Variants in MCHR2 observed in about 807,000 individuals in gnomAD.
MCHR2 encodes melanin-concentrating hormone receptor 2.
MCHR2 carries 15 observed loss-of-function variants against 24.8 expected under a neutral mutation model. That is an observed-to-expected ratio of 0.60 (90% CI 0.40 to 0.93). The LOEUF is 0.93. Among genes scored for constraint, MCHR2 ranks in the 40% least tolerant of loss-of-function variants. MCHR2 has a pLI of 0.00. For synonymous variants in MCHR2, 151 were observed against 147.6 expected (o/e 1.02, Z -0.17); for missense variants, 386 against 408.7 (o/e 0.94, Z 0.48).
rs184725021 is a variant in MCHR2, at chr6:99,927,381, T to C, written c.708-6126A>G. Among the ~76,000 whole-genome samples the C allele has an allele frequency of 9.8e-5, 15 of 152,324 alleles. No individual in the cohort carries two copies. The East Asian group carries it at 2.9e-3, about 29-fold the overall frequency. ...TTTCCAATTCTGTGAAGAAGGTCATTGGTAGCTTGATGGGGATGGCATTGA... is the reference window on the plus strand; with the variant it reads ...TTTCCAATTCTGTGAAGAAGGTCATCGGTAGCTTGATGGGGATGGCATTGA... On this transcript the variant is annotated intron_variant, in intron 5 of 5. Coordinates refer to ENST00000281806, the MANE Select transcript of MCHR2 (RefSeq NM_001040179.2).
intron 1 of MCHR2, among the ~76,000 whole-genome samples, chr6:99,975,629 G>A (rs1775534388): frequency 2.0e-5 from 3 of 152,224 alleles, no homozygotes; most frequent in Admixed American, 1.3e-4. Flanking sequence ...CGGTGCCTCA[G>A]ATGGAAATGC....
In MCHR2 at chr6:99,920,408, C is replaced by T. The variant is rs1343370607; in HGVS notation, c.*532G>A. ...CAGGTTTGTTACATGTAATCTTACACATTGCATGTGTGCAATAAATGGTAA... is the reference window on the plus strand; with the variant it reads ...CAGGTTTGTTACATGTAATCTTACATATTGCATGTGTGCAATAAATGGTAA... On this transcript the variant is annotated 3_prime_UTR_variant, in exon 6 of 6. Coordinates refer to ENST00000281806, the MANE Select transcript of MCHR2 (RefSeq NM_001040179.2). 6.5e-6 allele frequency: 1 copy of T among 154,552 alleles called. No individual in the cohort carries two copies. The highest frequency in any genetic ancestry group is 1.4e-5 in the Non-Finnish European group (1 of 69,510). The allele number at this position is 154,552 out of a possible 1,614,324, so 9.6% of individuals were successfully genotyped here.
intron 1 of MCHR2, among the ~76,000 whole-genome samples, chr6:99,966,834 A>G (rs1429346790): frequency 6.6e-6 from 1 of 152,032 alleles, no homozygotes; most frequent in Non-Finnish European, 1.5e-5. Context: ...CTTCAGTATG[A>G]TTTCATTATA....
chr6:99,921,012 C>A lies in MCHR2; in HGVS notation c.951G>T (p.Leu317=), dbSNP rs1308371294. 9.9e-6 allele frequency: 16 copies of A among 1,614,042 alleles called. No individual in the cohort carries two copies. The highest frequency in any genetic ancestry group is 1.4e-5 in the Non-Finnish European group (16 of 1,180,024). Residue 317 remains leucine, a synonymous_variant, in exon 6 of 6, where the codon CTG becomes CTT. Coordinates refer to ENST00000281806, the MANE Select transcript of MCHR2 (RefSeq NM_001040179.2). ...ILLSGNFQKR[L]PQIQRRATEK... Reference sequence around the variant, plus strand: ...CAGTCGCTCTTCTTTGGATTTGAGGCAGACGTTTCTGGAAATTTCCACTCA... The same window carrying A: ...CAGTCGCTCTTCTTTGGATTTGAGGAAGACGTTTCTGGAAATTTCCACTCA...
At chr6:99,948,208 C>G (rs1414087251) in intron 2 of MCHR2, among the ~76,000 whole-genome samples, 2 of 152,110 alleles carry the variant, frequency 1.3e-5, no homozygotes, top group Non-Finnish European at 2.9e-5. Context: ...ATATTCCTTT[C>G]AGTAGGTGGA....
chr6:99,983,633 T>A (rs1023449237), intron 1 of MCHR2, among the ~76,000 whole-genome samples: 1 of 152,206 alleles, frequency 6.6e-6, no homozygotes, highest in African/African-American at 2.4e-5. Flanking sequence ...TTTGTCCTTA[T>A]TTTAGTTGGT....
In MCHR2 at chr6:99,920,649, T is replaced by C; in HGVS notation, c.*291A>G. On this transcript the variant is annotated 3_prime_UTR_variant, in exon 6 of 6. Transcript: ENST00000281806. ...TTGAGTCAATGGTCATGGATGGCCA[T>C]TTTCATTAGTGACTAGTTTATAATA... 3.3e-6 allele frequency: 1 copy of C among 303,614 alleles called. No individual in the cohort carries two copies. The highest frequency in any genetic ancestry group is 6.8e-5 in the East Asian group (1 of 14,734). 18.8% of individuals were successfully genotyped at this position (303,614 alleles called of 1,614,324 possible). A position where few individuals can be genotyped will look rare whatever the true frequency, so the allele number is the denominator to read the frequency against.
rs183353819 is a variant in MCHR2 at position 99,943,441 on chromosome 6, C to T, written c.393-298G>A. ...TGCTGGTGTGCTGCACCCATTAACT[C>T]GTCATTTAGCATTAGGTATATCTCC... On this transcript the variant is annotated intron_variant, in intron 3 of 5. Coordinates refer to ENST00000281806, the MANE Select transcript of MCHR2 (RefSeq NM_001040179.2). Among the ~76,000 whole-genome samples the T allele has an allele frequency of 7.4e-3, 1,117 of 151,294 alleles. 8 individuals carry two copies. Among genetic ancestry groups the T allele is most frequent in the African/African-American group, 0.025 (1,028 of 41,208 alleles).
intron 5 of MCHR2, 59 bp from the exon 6 acceptor site, chr6:99,921,314 TG>T: frequency 6.6e-7 from 1 of 1,504,896 alleles, no homozygotes; most frequent in Non-Finnish European, 9.1e-7. Context: ...TATGGGGCAA[TG>T]TGTTCCTAGA....
At chr6:99,970,771 T>A (rs1227220359) in intron 1 of MCHR2, among the ~76,000 whole-genome samples, 1 of 152,240 alleles carries the variant, frequency 6.6e-6, no homozygotes, top group Non-Finnish European at 1.5e-5. Flanking sequence ...GTTTCAGCTT[T>A]CTACATATGG....
intron 5 of MCHR2, among the ~76,000 whole-genome samples, chr6:99,928,616 T>G (rs571294452): frequency 6.6e-6 from 1 of 152,346 alleles, no homozygotes; most frequent in African/African-American, 2.4e-5. Context: ...TTTTTTAGTT[T>G]ATTTGCGTAG....
At chr6:99,983,498 T>A (rs1305576860) in intron 1 of MCHR2, among the ~76,000 whole-genome samples, 1 of 152,204 alleles carries the variant, frequency 6.6e-6, no homozygotes, top group Admixed American at 6.5e-5. Flanking sequence ...GCAAGCCTGA[T>A]CCCAGTTGTT....
chr6:99,977,541 G>T (rs1401290256), intron 1 of MCHR2, among the ~76,000 whole-genome samples: 9 of 151,786 alleles, frequency 5.9e-5, no homozygotes, highest in African/African-American at 2.2e-4. Flanking sequence ...CCATTCCTCT[G>T]CAAAGAAAAA....
At chr6:99,954,527 AG>A (rs1235193131) in intron 2 of MCHR2, among the ~76,000 whole-genome samples, 1 of 152,104 alleles carries the variant, frequency 6.6e-6, no homozygotes, top group Non-Finnish European at 1.5e-5. Flanking sequence ...AGCGTCTCCA[AG>A]GGAAAAATGA....
intron 1 of MCHR2, among the ~76,000 whole-genome samples, chr6:99,975,918 C>A (rs1775540586): frequency 6.6e-6 from 1 of 152,150 alleles, no homozygotes; most frequent in Admixed American, 6.5e-5. Context: ...AATTCTTTTG[C>A]TAAGTGACCA....
chr6:99,989,259 A>G (rs780163712), intron 1 of MCHR2, among the ~76,000 whole-genome samples: 3 of 152,130 alleles, frequency 2.0e-5, no homozygotes, highest in Non-Finnish European at 4.4e-5. Flanking sequence ...ATCAAATTCA[A>G]AAAAAATTAT....
chr6:99,979,202 T>C (rs1444675832), intron 1 of MCHR2, among the ~76,000 whole-genome samples: 2 of 152,204 alleles, frequency 1.3e-5, no homozygotes, highest in African/African-American at 4.8e-5. Flanking sequence ...TCCAGTGACT[T>C]GGGAACACAG....
rs981327727 is a variant in MCHR2 at position 99,993,987 on chromosome 6, T to G, written c.-79A>C. ...GCGGACAGCCCGGGCGCCCTTCCTC[T>G]CTGCGGGACTGCAGGTCTATCCGCT... On this transcript the variant is annotated 5_prime_UTR_variant, in exon 1 of 6. Coordinates refer to ENST00000281806, the MANE Select transcript of MCHR2 (RefSeq NM_001040179.2). The G allele has an allele frequency of 1.3e-5, 2 of 152,108 alleles. No individual in the cohort carries two copies. The highest frequency in any genetic ancestry group is 1.3e-4 in the Admixed American group (2 of 15,282). The allele number at this position is 152,108 out of a possible 1,614,324, so 9.4% of individuals were successfully genotyped here. A position where few individuals can be genotyped will look rare whatever the true frequency, so the allele number is the denominator to read the frequency against.
chr6:99,985,866 A>G (rs950854858), intron 1 of MCHR2, among the ~76,000 whole-genome samples: 2 of 152,224 alleles, frequency 1.3e-5, no homozygotes, highest in African/African-American at 4.8e-5. Flanking sequence ...AAAAGAAATA[A>G]TCAACAGAGT....
Sources: gnomAD v4.1 joint callset for allele counts (sites outside exome capture counted in the v4.1 genomes callset) on GRCh38, gnomAD v4.1.1 for gene constraint, MANE v1.5 for transcripts, NCBI Gene and HGNC (gene_info 2026-07-23, HGNC 2026-07-21) for gene names.